Variants in DLG2 observed in about 807,000 individuals in gnomAD.
DLG2 encodes the protein discs large MAGUK scaffold protein 2.
DLG2 carries 45 observed loss-of-function variants against 132.5 expected under a neutral mutation model. That is an observed-to-expected ratio of 0.34 (90% confidence interval 0.27 to 0.44). DLG2 has a LOEUF of 0.44. DLG2 is among the 20% of genes least tolerant of loss of function. The pLI is 1.00. For missense variants in DLG2, 1,045 were observed against 1,196.9 expected, an observed-to-expected ratio of 0.87 and a Z score of 1.87; for synonymous variants, 424 against 419.6, an observed-to-expected ratio of 1.01 and a Z score of -0.13.
intron 16 of DLG2, among the ~76,000 whole-genome samples, chr11:83,864,833 C>T (rs1310462526): frequency 6.6e-6 from 1 of 152,026 alleles, no homozygotes; most frequent in East Asian, 1.9e-4. Context: ...AACCAGATTT[C>T]ATTTGGATAT....
At chr11:83,838,818 C>T (rs1031871423) in intron 16 of DLG2, among the ~76,000 whole-genome samples, 5 of 151,064 alleles carry the variant, frequency 3.3e-5, no homozygotes, top group Non-Finnish European at 5.9e-5. Flanking sequence ...ACCACATTTG[C>T]ACTTCTTATA....
At chr11:84,846,174 A>G (rs2081449945) in intron 6 of DLG2, among the ~76,000 whole-genome samples, 1 of 152,016 alleles carries the variant, frequency 6.6e-6, no homozygotes, top group South Asian at 2.1e-4. Flanking sequence ...TGAAATATAT[A>G]TCTCTATCCC....
intron 17 of DLG2, among the ~76,000 whole-genome samples, chr11:83,823,444 C>A (rs1409437381): frequency 1.3e-5 from 2 of 152,070 alleles, no homozygotes; most frequent in African/African-American, 2.4e-5. Flanking sequence ...TAACATTTTT[C>A]TGATCTATAG....
At chr11:83,584,422 C>T (rs367682543) in intron 19 of DLG2, among the ~76,000 whole-genome samples, 5 of 152,118 alleles carry the variant, frequency 3.3e-5, no homozygotes, top group East Asian at 1.9e-4. Flanking sequence ...AATCAGAATA[C>T]GCTTCACCAA....
intron 14 of DLG2, among the ~76,000 whole-genome samples, chr11:83,937,738 G>T (rs2081815087): frequency 1.3e-5 from 2 of 151,884 alleles, no homozygotes; most frequent in African/African-American, 4.8e-5. Flanking sequence ...ACCTCACTAG[G>T]AATAAAAATA....
chr11:84,988,774 T>G (rs1426375007), intron 6 of DLG2, among the ~76,000 whole-genome samples: 1 of 152,154 alleles, frequency 6.6e-6, no homozygotes, highest in East Asian at 1.9e-4. Flanking sequence ...GTGTAATATA[T>G]ACTTCTCAGG....
intron 12 of DLG2, among the ~76,000 whole-genome samples, chr11:83,978,434 C>A (rs909612586): frequency 3.3e-5 from 5 of 151,892 alleles, no homozygotes; most frequent in African/African-American, 1.2e-4. Flanking sequence ...TATTCTATTC[C>A]CAAGACAACA....
At chr11:83,704,675 AT>A (rs35583807) in intron 18 of DLG2, among the ~76,000 whole-genome samples, 5,793 of 149,716 alleles carry the variant, frequency 0.039, 149 homozygotes, top group Middle Eastern at 0.082. Context: ...AAAAAAAAAA[AT>A]ATTAGCTGGG....
At chr11:85,428,555 A>T (rs915601443) in intron 3 of DLG2, among the ~76,000 whole-genome samples, 1 of 152,232 alleles carries the variant, frequency 6.6e-6, no homozygotes, top group Non-Finnish European at 1.5e-5. Flanking sequence ...TGAAGGCAGA[A>T]ATAAAGATGT....
chr11:84,098,052 T>G (rs1251232288), intron 10 of DLG2, among the ~76,000 whole-genome samples: 6 of 150,192 alleles, frequency 4.0e-5, no homozygotes, highest in African/African-American at 9.8e-5. Flanking sequence ...TTTTTTTTTT[T>G]CTTTTTTGCT....
chr11:83,581,057 G>A (rs921085521), intron 19 of DLG2, among the ~76,000 whole-genome samples: 8 of 151,510 alleles, frequency 5.3e-5, no homozygotes, highest in African/African-American at 1.5e-4. Context: ...ACAAGTTTGC[G>A]AATTCATGAA....
intron 6 of DLG2, among the ~76,000 whole-genome samples, chr11:84,548,111 A>G (rs1171353739): frequency 6.6e-6 from 1 of 152,162 alleles, no homozygotes; most frequent in Non-Finnish European, 1.5e-5. Flanking sequence ...TCCCTGACAA[A>G]GTGTATTAGC....
intron 11 of DLG2, among the ~76,000 whole-genome samples, chr11:83,985,454 T>A (rs370942745): frequency 1.3e-5 from 2 of 152,032 alleles, no homozygotes. Flanking sequence ...AACCCATCAA[T>A]GTGATATTAA....
chr11:84,915,333 T>A (rs1249244310), intron 6 of DLG2, among the ~76,000 whole-genome samples: 1 of 152,216 alleles, frequency 6.6e-6, no homozygotes, highest in Non-Finnish European at 1.5e-5. Flanking sequence ...AAGAAATTGT[T>A]AAAAGTTGGA....
chr11:84,298,927 C>G (rs1366102791), intron 7 of DLG2, among the ~76,000 whole-genome samples: 1 of 152,150 alleles, frequency 6.6e-6, no homozygotes, highest in Non-Finnish European at 1.5e-5. Context: ...AAATTGAAGA[C>G]AACCTTGAAT....
chr11:83,503,710 A>G (rs765680381), intron 21 of DLG2, among the ~76,000 whole-genome samples: 1 of 151,952 alleles, frequency 6.6e-6, no homozygotes, highest in Admixed American at 6.6e-5. Flanking sequence ...TGGTACCCAC[A>G]CAGATTAAGG....
intron 3 of DLG2, among the ~76,000 whole-genome samples, chr11:85,401,695 A>G (rs2088129938): frequency 6.6e-6 from 1 of 152,186 alleles, no homozygotes; most frequent in Admixed American, 6.6e-5. Context: ...TACACTAATA[A>G]TAGACAAACA....
intron 7 of DLG2, among the ~76,000 whole-genome samples, chr11:84,433,950 C>A (rs1425166593): frequency 6.6e-6 from 1 of 151,740 alleles, no homozygotes; most frequent in Admixed American, 6.6e-5. Flanking sequence ...AACCTCATCT[C>A]TACAAAAAAA....
At chr11:84,961,273 G>A (rs747870828) in intron 6 of DLG2, among the ~76,000 whole-genome samples, 1 of 151,652 alleles carries the variant, frequency 6.6e-6, no homozygotes, top group Non-Finnish European at 1.5e-5. Flanking sequence ...CCAACACAGG[G>A]TATCATACCA....
Sources: allele counts gnomAD v4.1 joint callset (sites outside exome capture counted in the v4.1 genomes callset), GRCh38; gene constraint gnomAD v4.1.1; transcripts MANE v1.5; gene names NCBI Gene and HGNC (gene_info 2026-07-23, HGNC 2026-07-21).